NR2F1: variants seen among roughly 807,000 people sequenced by gnomAD.
The protein encoded by NR2F1 is COUP transcription factor 1.
Under a neutral mutation model 37.7 loss-of-function variants are expected in NR2F1, and 1 was observed. The ratio of observed to expected loss-of-function variants is 0.03; its 90% confidence interval spans 0.01 to 0.13. The LOEUF (loss-of-function observed/expected upper bound fraction) is 0.13, where lower values mean the gene tolerates loss of function less well. Among genes scored for constraint, NR2F1 ranks in the 10% least tolerant of loss-of-function variants. NR2F1 has a pLI of 1.00. For synonymous variants in NR2F1, 275 were observed against 259.6 expected (o/e 1.06, Z -0.57); for missense variants, 268 against 578.4 (o/e 0.46, Z 5.50).
chr5:93,590,833 G>A (rs1159535183), intron 2 of NR2F1, among the ~76,000 whole-genome samples: 2 of 152,234 alleles, frequency 1.3e-5, no homozygotes, highest in African/African-American at 4.8e-5. Flanking sequence ...CGGATGGTAT[G>A]TTTAATCCTT....
chr5:93,588,615 C>T (rs554820541), intron 2 of NR2F1, among the ~76,000 whole-genome samples, 171 bp downstream of exon 2: 1 of 149,260 alleles, frequency 6.7e-6, no homozygotes, highest in Non-Finnish European at 1.5e-5. Flanking sequence ...GACCGGCTGG[C>T]CGCGCCGCTG....
intron 2 of NR2F1, among the ~76,000 whole-genome samples, chr5:93,588,783 G>T (rs1035709670): frequency 2.9e-4 from 43 of 150,384 alleles, no homozygotes; most frequent in African/African-American, 1.0e-3. Flanking sequence ...GGCTGCGCGC[G>T]CGCGCGCGCG....
Position 93,594,110 on chromosome 5 carries a change from T to A in NR2F1, c.*268T>A. The A allele has an allele frequency of 2.4e-6, 1 of 417,290 alleles. No individual in the cohort carries two copies. The highest frequency in any genetic ancestry group is 4.1e-5 in the East Asian group (1 of 24,226). The allele number at this position is 417,290 out of a possible 1,614,324, so 25.8% of individuals were successfully genotyped here. A position where few individuals can be genotyped will look rare whatever the true frequency, so the allele number is the denominator to read the frequency against. Reference sequence around the variant, plus strand: ...AACAAAAAAAAGAACCTTGTGTCTGTCTGGTGAAAAAAAGAAAAACAAATT... The same window carrying A: ...AACAAAAAAAAGAACCTTGTGTCTGACTGGTGAAAAAAAGAAAAACAAATT... On this transcript the variant is annotated 3_prime_UTR_variant, in exon 3 of 3. Coordinates refer to ENST00000327111, the MANE Select transcript of NR2F1 (RefSeq NM_005654.6).
intron 2 of NR2F1, among the ~76,000 whole-genome samples, chr5:93,592,731 G>T (rs1753353544): frequency 7.4e-6 from 1 of 134,656 alleles, no homozygotes; most frequent in Non-Finnish European, 1.5e-5. Context: ...GCCTAGCTTT[G>T]TGTCTGATTG....
At chr5:93,587,882 G>A in intron 1 of NR2F1, 35 bp from the exon 2 acceptor site, 1 of 1,535,250 alleles carries the variant, frequency 6.5e-7, no homozygotes, top group Non-Finnish European at 8.8e-7. Context: ...CTCCCTGGAT[G>A]CACATTGCCT....
chr5:93,591,483 C>T (rs1000876561), intron 2 of NR2F1, among the ~76,000 whole-genome samples: 3 of 152,184 alleles, frequency 2.0e-5, no homozygotes, highest in African/African-American at 4.8e-5. Context: ...ACCTGGCAGG[C>T]AGGCCCAGCT....
chr5:93,588,342 G>A lies in NR2F1; in HGVS notation c.889G>A (p.Asp297Asn), dbSNP rs1352107740. 1.2e-6 allele frequency: 2 copies of A among 1,613,234 alleles called. No individual in the cohort carries two copies. The highest frequency in any genetic ancestry group is 1.7e-6 in the Non-Finnish European group (2 of 1,179,872). Residue 297 changes from aspartate (D) to asparagine (N), a missense_variant, in exon 2 of 3, where the codon GAC (aspartate) becomes AAC (asparagine). Around this residue, in one of 5 missense-constraint regions of NR2F1, gnomAD observed 99 missense variants for 191.9 expected, o/e 0.52. Transcript: ENST00000327111. The part of the protein sequence containing the change: ...MSADRVVAFM[D>N]HIRIFQEQVE... ...TGCCGACCGCGTCGTGGCCTTCATG[G>A]ACCACATCCGCATCTTCCAGGAGCA... is the stretch of plus-strand genomic sequence containing the variant.
chr5:93,587,063 G>C (rs1038961456), intron 1 of NR2F1: 2 of 150,224 alleles, frequency 1.3e-5, no homozygotes, highest in Non-Finnish European at 3.0e-5. Flanking sequence ...AAAAAACTTT[G>C]GTCAGCTTTA....
chr5:93,588,563 C>G, intron 2 of NR2F1, 119 bp downstream of exon 2: 1 of 585,776 alleles, frequency 1.7e-6, no homozygotes, highest in Non-Finnish European at 2.2e-6. Flanking sequence ...CGGGCCCTCG[C>G]TGGACACTGA....
chr5:93,588,746 CG>C (rs899988978), intron 2 of NR2F1, among the ~76,000 whole-genome samples: 74 of 149,746 alleles, frequency 4.9e-4, no homozygotes, highest in Admixed American at 9.9e-4. Flanking sequence ...GTGTCTGAGG[CG>C]GGGGGGCGGT....
intron 1 of NR2F1, among the ~76,000 whole-genome samples, chr5:93,586,452 C>T (rs1050943321): frequency 2.0e-5 from 3 of 151,932 alleles, no homozygotes; most frequent in Admixed American, 2.0e-4. Flanking sequence ...GGATATGCTT[C>T]ATGTTCATGT....
At chr5:93,588,667 G>A (rs1468963091) in intron 2 of NR2F1, among the ~76,000 whole-genome samples, 4 of 151,058 alleles carry the variant, frequency 2.6e-5, no homozygotes, top group African/African-American at 9.7e-5. Context: ...AGGCGGCGCG[G>A]GTGCGGCCGG....
chr5:93,588,266 G>T lies in NR2F1; in HGVS notation c.813G>T (p.Leu271=). The change falls in exon 2 of 3, where the codon CTG becomes CTT. Residue 271 remains leucine, a synonymous_variant. Transcript: ENST00000327111. The part of the protein sequence containing the change: ...VLNAAQCSMP[L]HVAPLLAAAG... ...ACGCGGCCCAGTGCTCTATGCCGCTGCACGTGGCGCCGTTGCTGGCCGCCG... is the reference window on the plus strand; with the variant it reads ...ACGCGGCCCAGTGCTCTATGCCGCTTCACGTGGCGCCGTTGCTGGCCGCCG... 6 of 1,613,402 alleles carry T rather than the reference G, an allele frequency of 3.7e-6. No individual in the cohort carries two copies. The highest frequency in any genetic ancestry group is 5.1e-6 in the Non-Finnish European group (6 of 1,179,858).
chr5:93,583,295 CT>C lies in NR2F1; in HGVS notation c.-1727del, dbSNP rs1753157888. 1 of 148,770 alleles carries C rather than the reference CT, an allele frequency of 6.7e-6. No individual in the cohort carries two copies. The highest frequency in any genetic ancestry group is 1.5e-5 in the Non-Finnish European group (1 of 66,760). 9.2% of individuals were successfully genotyped at this position (148,770 alleles called of 1,614,324 possible). A position where few individuals can be genotyped will look rare whatever the true frequency, so the allele number is the denominator to read the frequency against. ...GGTCTCTCTCTCTCTCTCTCTCTCTCTTCTTCTCTTCTCTCTCTCTCTCTCT... is the reference window on the plus strand; with the variant it reads ...GGTCTCTCTCTCTCTCTCTCTCTCTCTCTTCTCTTCTCTCTCTCTCTCTCT... On this transcript the variant is annotated 5_prime_UTR_variant, in exon 1 of 3. Transcript: ENST00000327111.
chr5:93,590,122 G>T (rs1373723482), intron 2 of NR2F1, among the ~76,000 whole-genome samples: 1 of 152,234 alleles, frequency 6.6e-6, no homozygotes, highest in Non-Finnish European at 1.5e-5. Context: ...GCTCTGGCAG[G>T]CCTGGGGCCT....
Position 93,584,968 on chromosome 5 carries a change from C to A in NR2F1, c.-56C>A. 2 of 865,642 alleles carry A rather than the reference C, an allele frequency of 2.3e-6. No individual in the cohort carries two copies. The highest frequency in any genetic ancestry group is 2.8e-6 in the Non-Finnish European group (2 of 721,460). The allele number at this position is 865,642 out of a possible 1,614,324, so 53.6% of individuals were successfully genotyped here. On this transcript the variant is annotated 5_prime_UTR_variant, in exon 1 of 3. Coordinates refer to ENST00000327111, the MANE Select transcript of NR2F1 (RefSeq NM_005654.6). The stretch of plus-strand genomic sequence containing the variant: ...TTCCCCTCCCAGCGCGCCCGCGCGC[C>A]CCGCGGCCCTCGGCGAGCAGCTCGG...
chr5:93,590,247 A>G (rs756970633), intron 2 of NR2F1, among the ~76,000 whole-genome samples: 15 of 152,104 alleles, frequency 9.9e-5, no homozygotes, highest in Non-Finnish European at 1.5e-5. Flanking sequence ...CAGAAATGTG[A>G]CTTGGAACTG....
rs1175207882 is a variant in NR2F1 at position 93,593,337 on chromosome 5, G to C, written c.992-225G>C. ...TCTCCAGCTCCCCTAGGCTTGGTGGGGGTTTGATTTATTTTTATTTGTATT... is the reference window on the plus strand; with the variant it reads ...TCTCCAGCTCCCCTAGGCTTGGTGGCGGTTTGATTTATTTTTATTTGTATT... On this transcript the variant is annotated intron_variant, in intron 2 of 2. Transcript: ENST00000327111. The surrounding 1 kb of genome is among the most constrained non-coding windows in gnomAD (Gnocchi z 5.6). Among the ~76,000 whole-genome samples the C allele has an allele frequency of 6.6e-6, 1 of 152,052 alleles. No individual in the cohort carries two copies. Among genetic ancestry groups the C allele is most frequent in the Non-Finnish European group, 1.5e-5 (1 of 68,032 alleles).
rs1753156760 is a variant in NR2F1, at chr5:93,583,275, CTCTCTCTCTCTCTCTCTCTCTTCTTCTCT to C, written c.-1728_-1700del. The stretch of plus-strand genomic sequence containing the variant: ...TTAAACGCATTCAATTTTTGGGTCT[CTCTCTCTCTCTCTCTCTCTCTTCTTCTCT>C]TCTCTCTCTCTCTCTCTCTCCTCTC... On this transcript the variant is annotated 5_prime_UTR_variant, in exon 1 of 3. Transcript: ENST00000327111. 1 of 149,736 alleles carries C rather than the reference CTCTCTCTCTCTCTCTCTCTCTTCTTCTCT, an allele frequency of 6.7e-6. No homozygotes were observed. Among genetic ancestry groups the C allele is most frequent in the Admixed American group, 6.7e-5 (1 of 14,870 alleles). The allele number at this position is 149,736 out of a possible 1,614,324, so 9.3% of individuals were successfully genotyped here. A position where few individuals can be genotyped will look rare whatever the true frequency, so the allele number is the denominator to read the frequency against.
Sources: gnomAD v4.1 joint callset for allele counts (sites outside exome capture counted in the v4.1 genomes callset) on GRCh38, gnomAD v4.1.1 for gene constraint, gnomAD v4.1.1 regional missense constraint, Gnocchi (gnomAD v3.1) non-coding constraint, MANE v1.5 for transcripts, NCBI Gene and HGNC (gene_info 2026-07-23, HGNC 2026-07-21) for gene names.